Variants in FOXP1 observed in about 807,000 individuals in gnomAD.
The protein encoded by FOXP1 is forkhead box P1.
FOXP1 carries 15 observed loss-of-function variants against 98.2 expected under a neutral mutation model. That is an observed-to-expected ratio of 0.15 (90% CI 0.10 to 0.24). FOXP1 has a LOEUF of 0.24. FOXP1 is among the 10% of genes least tolerant of loss of function. FOXP1 has a pLI of 1.00. For synonymous variants in FOXP1, 371 were observed against 314.5 expected (o/e 1.18, Z -1.90); for missense variants, 633 against 848.5 (o/e 0.75, Z 3.15).
intron 3 of FOXP1, among the ~76,000 whole-genome samples, chr3:71,371,064 T>G (rs991492513): frequency 2.0e-5 from 3 of 152,054 alleles, no homozygotes; most frequent in Non-Finnish European, 4.4e-5. Flanking sequence ...ATTACAGGCG[T>G]GAACCACTGC....
At chr3:71,521,559 T>A (rs2042993403) in intron 2 of FOXP1, among the ~76,000 whole-genome samples, 1 of 150,516 alleles carries the variant, frequency 6.6e-6, no homozygotes, top group South Asian at 2.1e-4. Context: ...GGGGGGGACC[T>A]GGGTGAAGGA....
At chr3:71,565,381 T>C (rs2046831238) in intron 2 of FOXP1, among the ~76,000 whole-genome samples, 1 of 152,192 alleles carries the variant, frequency 6.6e-6, no homozygotes, top group Non-Finnish European at 1.5e-5. Flanking sequence ...TTGTTACCAA[T>C]TCGTTGTGTA....
chr3:71,060,269 T>C (rs1031522516), intron 7 of FOXP1, among the ~76,000 whole-genome samples: 2 of 152,150 alleles, frequency 1.3e-5, no homozygotes, highest in Non-Finnish European at 2.9e-5. Flanking sequence ...AACTCAACTT[T>C]CTCAAATTGT....
Position 70,977,935 on chromosome 3 carries a change from A to G in FOXP1, c.1241T>C (p.Leu414Pro), listed in dbSNP as rs79651000. 6 of 1,614,062 alleles carry G rather than the reference A, an allele frequency of 3.7e-6. No homozygotes were observed. The highest frequency in any genetic ancestry group is 2.7e-5 in the African/African-American group (2 of 74,996). The change falls in exon 15 of 21, where the codon CTG becomes CCG. Residue 414 changes from leucine (L) to proline (P), a missense_variant. This residue lies in a region of FOXP1 where 141 missense variants were observed against 199.5 expected (regional missense o/e 0.71). Transcript: ENST00000649528. Reference sequence around the variant, plus strand: ...AGAGGGGCCTTGGGTGACGGGAGTCAGGGGGGCGGTTGGGGTCGTTGGAGT... The same window carrying G: ...AGAGGGGCCTTGGGTGACGGGAGTCGGGGGGGCGGTTGGGGTCGTTGGAGT... ...PHTPTTPTAP[L>P]TPVTQGPSVI...
rs982053115 is a variant in FOXP1 at position 71,084,074 on chromosome 3, G to A, written c.282+28462C>T. On this transcript the variant is annotated intron_variant, in intron 7 of 20. Transcript: ENST00000649528. The stretch of plus-strand genomic sequence containing the variant: ...CCCCAAGTCAACCCCAACTGTACAC[G>A]GCCTGTCCCAGCCATGCACCATTCA... Among the ~76,000 whole-genome samples the A allele has an allele frequency of 2.6e-5, 4 of 151,968 alleles. No homozygotes were observed. The East Asian group carries it at 5.8e-4, about 22-fold the overall frequency.
intron 2 of FOXP1, among the ~76,000 whole-genome samples, chr3:71,573,344 TCC>T (rs2047480685): frequency 6.7e-6 from 1 of 149,632 alleles, no homozygotes; most frequent in African/African-American, 2.5e-5. Flanking sequence ...AGTCCCTCCG[TCC>T]CCACCCCCAC....
rs574736014 is a variant in FOXP1, at chr3:71,054,188, C to T, written c.283-415G>A. 4.6e-5 allele frequency among the ~76,000 whole-genome samples: 7 copies of T among 152,332 alleles called. No homozygotes were observed. The East Asian group carries it at 1.4e-3, about 29-fold the overall frequency. Reference sequence around the variant, plus strand: ...CCTTTGCAGGTGGAGCCCATATGAGCACACTTGCTCTGTGGACAGTGATTT... The same window carrying T: ...CCTTTGCAGGTGGAGCCCATATGAGTACACTTGCTCTGTGGACAGTGATTT... On this transcript the variant is annotated intron_variant, in intron 7 of 20. Transcript: ENST00000649528.
In FOXP1 at chr3:71,435,968, A is replaced by AAGGAGGG. The variant is rs1553883589; in HGVS notation, c.-168+57457_-168+57458insCCCTCCT. Among the ~76,000 whole-genome samples the AAGGAGGG allele has an allele frequency of 1.1e-4, 8 of 71,328 alleles. 1 individual carries two copies. The highest frequency in any genetic ancestry group is 0.013 in the Middle Eastern group (2 of 156). The allele number at this position is 71,328 out of a possible 152,430, so 46.8% of individuals were successfully genotyped here. ...GGGACGGAGGGAGGGAGGGAGGAAA[A>AAGGAGGG]AAGGAGGGAAGGAGGGAAGGAGGGA... On this transcript the variant is annotated intron_variant, in intron 3 of 20. Transcript: ENST00000649528.
At chr3:71,081,831 A>C (rs2054454229) in intron 7 of FOXP1, among the ~76,000 whole-genome samples, 1 of 152,246 alleles carries the variant, frequency 6.6e-6, no homozygotes, top group Non-Finnish European at 1.5e-5. Context: ...TGAATTGTCC[A>C]ACAGTGTACA....
chr3:71,092,302 T>C (rs1305201074), intron 7 of FOXP1, among the ~76,000 whole-genome samples: 1 of 151,312 alleles, frequency 6.6e-6, no homozygotes, highest in Admixed American at 6.6e-5. Flanking sequence ...ACCTGGTGAG[T>C]TAGGGAGGAG....
intron 2 of FOXP1, among the ~76,000 whole-genome samples, chr3:71,561,089 C>T (rs1404116952): frequency 3.3e-5 from 5 of 152,074 alleles, no homozygotes; most frequent in African/African-American, 1.2e-4. Context: ...CAGAGTGTCA[C>T]TCTGTCACCC....
At chr3:71,103,390 T>C (rs771539131) in intron 7 of FOXP1, among the ~76,000 whole-genome samples, 2 of 151,276 alleles carry the variant, frequency 1.3e-5, no homozygotes, top group Admixed American at 6.6e-5. Context: ...AAACAGATAT[T>C]GCCTTGTGAT....
At chr3:71,535,330 T>C (rs1048633924) in intron 2 of FOXP1, among the ~76,000 whole-genome samples, 23 of 152,006 alleles carry the variant, frequency 1.5e-4, no homozygotes, top group African/African-American at 5.1e-4. Flanking sequence ...CACTCAGAAT[T>C]CATGGCAAGC....
At chr3:71,044,988 C>T (rs1414650926) in intron 10 of FOXP1, among the ~76,000 whole-genome samples, 1 of 152,172 alleles carries the variant, frequency 6.6e-6, no homozygotes, top group Non-Finnish European at 1.5e-5. Flanking sequence ...TCTAGTCCAA[C>T]ATGACTGAAT....
At chr3:71,441,806 C>G (rs2085968993) in intron 3 of FOXP1, among the ~76,000 whole-genome samples, 1 of 152,198 alleles carries the variant, frequency 6.6e-6, no homozygotes, top group African/African-American at 2.4e-5. Flanking sequence ...TAGCCAAGTC[C>G]CTTCCCACTG....
intron 5 of FOXP1, among the ~76,000 whole-genome samples, chr3:71,287,443 A>C (rs1031298125): frequency 6.6e-6 from 1 of 152,158 alleles, no homozygotes; most frequent in African/African-American, 2.4e-5. Context: ...ACTGCACTCC[A>C]GCCTGGGCGA....
At chr3:71,197,884 T>C in intron 6 of FOXP1, 1 of 1,614,174 alleles carries the variant, frequency 6.2e-7, no homozygotes, top group Non-Finnish European at 8.5e-7. Context: ...GGGAACCATT[T>C]CTCCAAAGAA....
intron 5 of FOXP1, among the ~76,000 whole-genome samples, chr3:71,212,895 T>C (rs1410762630): frequency 6.6e-6 from 1 of 151,340 alleles, no homozygotes; most frequent in East Asian, 1.9e-4. Context: ...TTTCAGAAAA[T>C]ACAGTATATT....
rs1186989115 is a variant in FOXP1 at position 71,520,037 on chromosome 3, AG to A, written c.-297-26483del. On this transcript the variant is annotated intron_variant, in intron 2 of 20. Coordinates refer to ENST00000649528, the MANE Select transcript of FOXP1 (RefSeq NM_001349338.3). Reference sequence around the variant, plus strand: ...ATTAAGAAATAAAATTAGATGAAAAAGAGACAGGCAGACAGACAGAAAGGAA... The same window carrying A: ...ATTAAGAAATAAAATTAGATGAAAAAAGACAGGCAGACAGACAGAAAGGAA... 2.0e-5 allele frequency among the ~76,000 whole-genome samples: 3 copies of A among 152,256 alleles called. No homozygotes were observed. In the East Asian group the frequency reaches 5.8e-4, roughly 29 times the overall value.
Sources: gnomAD v4.1 joint callset for allele counts (sites outside exome capture counted in the v4.1 genomes callset) on GRCh38, gnomAD v4.1.1 for gene constraint, gnomAD v4.1.1 regional missense constraint, MANE v1.5 for transcripts, NCBI Gene and HGNC (gene_info 2026-07-23, HGNC 2026-07-21) for gene names.